Variants in NCAPG observed in about 807,000 individuals in gnomAD.
The protein encoded by NCAPG is non-SMC condensin I complex subunit G.
In NCAPG, 69 loss-of-function variants were observed where a neutral mutation model predicts 113.1. The ratio of observed to expected loss-of-function variants is 0.61; its 90% CI spans 0.50 to 0.75. The LOEUF (loss-of-function observed/expected upper bound fraction) is 0.75. Among genes scored for constraint, NCAPG ranks in the 30% least tolerant of loss-of-function variants. NCAPG has a pLI of 0.00. For synonymous variants in NCAPG, 370 were observed against 415.8 expected, an observed-to-expected ratio of 0.89 and a Z score of 1.34; for missense variants, 1,058 against 1,177.0, an observed-to-expected ratio of 0.90 and a Z score of 1.48.
chr4:17,814,442 A>G (rs981723589), intron 3 of NCAPG, among the ~76,000 whole-genome samples: 3 of 152,160 alleles, frequency 2.0e-5, no homozygotes, highest in Non-Finnish European at 4.4e-5. Flanking sequence ...AAAAAACTTC[A>G]ACTAAAATAT....
chr4:17,815,135 A>G, intron 4 of NCAPG, 137 bp downstream of exon 4: 2 of 1,276,384 alleles, frequency 1.6e-6, no homozygotes, highest in South Asian at 1.4e-5. Flanking sequence ...TAATTTAGGT[A>G]GAATCTTACT....
intron 16 of NCAPG, among the ~76,000 whole-genome samples, chr4:17,839,411 T>A (rs1722237565): frequency 6.6e-6 from 1 of 152,158 alleles, no homozygotes; most frequent in Non-Finnish European, 1.5e-5. Context: ...TGGGAACTTT[T>A]ACCCTCCAAA....
intron 14 of NCAPG, among the ~76,000 whole-genome samples, chr4:17,834,742 C>G (rs947616772): frequency 6.6e-6 from 1 of 152,154 alleles, no homozygotes; most frequent in Non-Finnish European, 1.5e-5. Flanking sequence ...CCCTACCCCC[C>G]TATCCCCTGA....
chr4:17,820,642 A>G (rs1275838103), intron 7 of NCAPG, among the ~76,000 whole-genome samples: 2 of 152,128 alleles, frequency 1.3e-5, no homozygotes, highest in Non-Finnish European at 2.9e-5. Context: ...AATTTATTTT[A>G]GTGATTGTTG....
intron 13 of NCAPG, among the ~76,000 whole-genome samples, chr4:17,831,551 G>C (rs1423775751): frequency 6.6e-6 from 1 of 152,138 alleles, no homozygotes; most frequent in Non-Finnish European, 1.5e-5. Context: ...GGAAGGAGGA[G>C]AGGGAACTGT....
Position 17,837,689 on chromosome 4 carries a change from C to CT in NCAPG, c.2355dup (p.Ala786CysfsTer7). 1 of 1,614,024 alleles carries CT rather than the reference C, an allele frequency of 6.2e-7. No individual in the cohort carries two copies. The highest frequency in any genetic ancestry group is 8.5e-7 in the Non-Finnish European group (1 of 1,179,934). On this transcript the variant is annotated frameshift_variant, in exon 16 of 21. Transcript: ENST00000251496. LOFTEE classifies it high-confidence loss of function. ...ACCCTGCAAACACTGGCCAATGCCC[C>CT]TGCATCTTCTCCTTTAGCTGAAATT...
In NCAPG at chr4:17,813,140, T is replaced by C. The variant is rs74892152; in HGVS notation, c.539T>C (p.Val180Ala). Residue 180 changes from valine to alanine, a missense_variant, in exon 3 of 21, where the codon GTT becomes GCT. Transcript: ENST00000251496. ...QDPKDDECPV[V>A]NAYATLIEND... Reference sequence around the variant, plus strand: ...CCCAAGGATGATGAATGCCCAGTGGTTAATGGTGTGTGTAGTTTCCTAAAT... The same window carrying C: ...CCCAAGGATGATGAATGCCCAGTGGCTAATGGTGTGTGTAGTTTCCTAAAT... The C allele has an allele frequency of 4.8e-4, 772 of 1,611,428 alleles. 5 individuals carry two copies. The African/African-American group carries it at 8.8e-3, about 18-fold the overall frequency.
intron 9 of NCAPG, among the ~76,000 whole-genome samples, chr4:17,824,423 C>T (rs1721577126): frequency 6.6e-6 from 1 of 152,084 alleles, no homozygotes; most frequent in African/African-American, 2.4e-5. Context: ...ACCCCTTCTA[C>T]AACATGCTTA....
intron 7 of NCAPG, among the ~76,000 whole-genome samples, chr4:17,820,731 A>C (rs1272034073): frequency 6.6e-6 from 1 of 152,238 alleles, no homozygotes; most frequent in Non-Finnish European, 1.5e-5. Flanking sequence ...GAGTACAGAA[A>C]CAAAATTAAA....
At chr4:17,815,787 G>A (rs913687858) in intron 5 of NCAPG, among the ~76,000 whole-genome samples, 2 of 152,288 alleles carry the variant, frequency 1.3e-5, no homozygotes, top group Admixed American at 1.3e-4. Context: ...GCCTCCCAAA[G>A]TGTTGGGATT....
chr4:17,817,653 A>G (rs1384271264), intron 6 of NCAPG, among the ~76,000 whole-genome samples, 200 bp downstream of exon 6: 1 of 152,046 alleles, frequency 6.6e-6, no homozygotes, highest in East Asian at 1.9e-4. Context: ...ATCATAGACT[A>G]TCTACTTTAG....
intron 20 of NCAPG, chr4:17,842,709 T>C (rs752164509): frequency 4.4e-6 from 1 of 228,638 alleles, no homozygotes; most frequent in South Asian, 6.6e-5. Context: ...TACACTTACA[T>C]ACTGATAGAA....
Position 17,831,011 on chromosome 4 carries a change from A to C in NCAPG, c.1779A>C (p.Ile593=). The change falls in exon 13 of 21, where the codon ATA becomes ATC. Residue 593 remains isoleucine (I), a synonymous_variant. Transcript: ENST00000251496. ...ATTCATTTTAGATTCTTCCTGGAAT[A>C]ATAAGTATTCATCCTGTTGTAAGAA... ...GIIESLILPG[I]ISIHPVVRNL... 6.2e-7 allele frequency: 1 copy of C among 1,611,804 alleles called. No individual in the cohort carries two copies. The highest frequency in any genetic ancestry group is 8.5e-7 in the Non-Finnish European group (1 of 1,178,794).
chr4:17,831,130 T>C lies in NCAPG; in HGVS notation c.1884+14T>C. The C allele has an allele frequency of 6.2e-7, 1 of 1,610,082 alleles. No homozygotes were observed. On this transcript the variant is annotated intron_variant, in intron 13 of 20. Coordinates refer to ENST00000251496, the MANE Select transcript of NCAPG (RefSeq NM_022346.5). ...TTACTATTGCAGGTAGGATTTATCT[T>C]GTGATAAATCTCAACTGTATTTCCT... is the stretch of plus-strand genomic sequence containing the variant.
chr4:17,826,351 G>C (rs1168751751), intron 11 of NCAPG, among the ~76,000 whole-genome samples: 1 of 152,030 alleles, frequency 6.6e-6, no homozygotes, highest in African/African-American at 2.4e-5. Context: ...CTAAATAGGA[G>C]ACTCTTTTAT....
At chr4:17,836,835 A>G (rs979298193) in intron 14 of NCAPG, among the ~76,000 whole-genome samples, 1 of 152,052 alleles carries the variant, frequency 6.6e-6, no homozygotes, top group African/African-American at 2.4e-5. Context: ...TCTATGTCTT[A>G]GAAACCCTAA....
chr4:17,814,201 A>G (rs1721104307), intron 3 of NCAPG, among the ~76,000 whole-genome samples: 3 of 152,330 alleles, frequency 2.0e-5, no homozygotes, highest in South Asian at 4.1e-4. Flanking sequence ...ATTGAGGAGT[A>G]GCACAGACAT....
intron 18 of NCAPG, 144 bp downstream of exon 18, chr4:17,840,353 A>G: frequency 4.7e-6 from 4 of 844,764 alleles, no homozygotes; most frequent in Non-Finnish European, 6.8e-6. Flanking sequence ...CTCTTGGGAA[A>G]GAGCATTACT....
At position 17,843,505 on chromosome 4, in the gene NCAPG, T is replaced by C. The variant is rs569430340; in HGVS notation, c.*80T>C. On this transcript the variant is annotated 3_prime_UTR_variant, in exon 21 of 21. Transcript: ENST00000251496. ...AAAGAAGAAGTTACCCTTGTCAAAA[T>C]CAGAACAAACCTGATGTCTTTCTGA... The C allele has an allele frequency of 6.6e-7, 1 of 1,507,812 alleles. No individual in the cohort carries two copies. Among genetic ancestry groups the C allele is most frequent in the East Asian group, 2.3e-5 (1 of 43,480 alleles). 93.4% of individuals were successfully genotyped at this position (1,507,812 alleles called of 1,614,324 possible).
Sources: gnomAD v4.1 joint callset for allele counts (sites outside exome capture counted in the v4.1 genomes callset) on GRCh38, gnomAD v4.1.1 for gene constraint, MANE v1.5 for transcripts, NCBI Gene and HGNC (gene_info 2026-07-23, HGNC 2026-07-21) for gene names.